The following OTUD7A variants were observed in gnomAD, a reference collection of about 807,000 sequenced individuals.
OTUD7A encodes OTU deubiquitinase 7A.
A neutral mutation model predicts 65.7 loss-of-function variants in OTUD7A; 12 were observed. The ratio of observed to expected loss-of-function variants is 0.18; its 90% CI spans 0.12 to 0.30. OTUD7A has a LOEUF of 0.30. Ranked by LOEUF, OTUD7A falls within the 10% of genes least tolerant of loss-of-function variation. The pLI, the probability that OTUD7A is intolerant of heterozygous loss-of-function variation, is 1.00. For missense variants in OTUD7A, 1,148 were observed against 1,304.8 expected (o/e 0.88, Z 1.85); for synonymous variants, 641 against 586.3 (o/e 1.09, Z -1.35).
At chr15:31,754,579 C>T (rs1894756307) in intron 1 of OTUD7A, among the ~76,000 whole-genome samples, 6 of 152,158 alleles carry the variant, frequency 3.9e-5, no homozygotes, top group Admixed American at 3.9e-4. Flanking sequence ...CTACATGTGG[C>T]CAGCCAATTA....
intron 1 of OTUD7A, among the ~76,000 whole-genome samples, chr15:31,682,337 T>G (rs1364657426): frequency 6.6e-6 from 1 of 152,200 alleles, no homozygotes; most frequent in Non-Finnish European, 1.5e-5. Flanking sequence ...ATAAATTCAG[T>G]GCAATCCCAG....
At chr15:31,815,923 T>C (rs1419481744) in intron 1 of OTUD7A, among the ~76,000 whole-genome samples, 1 of 152,240 alleles carries the variant, frequency 6.6e-6, no homozygotes, top group Admixed American at 6.5e-5. Context: ...GTCCCCACCA[T>C]GTTCCCAGCC....
chr15:31,832,809 T>C (rs564624441), intron 1 of OTUD7A, among the ~76,000 whole-genome samples: 9 of 152,350 alleles, frequency 5.9e-5, no homozygotes, highest in African/African-American at 2.2e-4. Context: ...TAATATTCCA[T>C]TGTATGAATA....
chr15:31,674,939 C>T (rs893805940), intron 1 of OTUD7A, among the ~76,000 whole-genome samples: 16 of 152,152 alleles, frequency 1.1e-4, no homozygotes, highest in African/African-American at 3.6e-4. Context: ...TTGCACCAGC[C>T]GTAGACAGTC....
Position 31,484,431 on chromosome 15 carries a change from G to T in OTUD7A, c.1665C>A (p.Ser555=). Residue 555 remains serine, a synonymous_variant, in exon 13 of 13, where the codon TCC becomes TCA. Coordinates refer to ENST00000307050, the MANE Select transcript of OTUD7A (RefSeq NM_001382637.1). This position sits in a 1 kb window ranked among gnomAD's most constrained non-coding sequence, Gnocchi z 4.5. ...LVHGKMGRAN[S]ANGKNGDSAE... is the part of the protein sequence containing the mutation. ...CCGAGTCCCCGTTCTTGCCATTGGC[G>T]GAGTTGGCGCGGCCCATCTTGCCGT... 6.2e-7 allele frequency: 1 copy of T among 1,603,104 alleles called. No homozygotes were observed. Among genetic ancestry groups the T allele is most frequent in the Non-Finnish European group, 8.5e-7 (1 of 1,179,890 alleles).
At chr15:31,649,145 T>A (rs1026861766) in intron 3 of OTUD7A, among the ~76,000 whole-genome samples, 31 of 152,244 alleles carry the variant, frequency 2.0e-4, no homozygotes, top group African/African-American at 6.3e-4. Flanking sequence ...CCTGGCTTCC[T>A]GCCCTGAAAT....
chr15:31,597,017 C>T (rs983853454), intron 3 of OTUD7A, among the ~76,000 whole-genome samples: 2 of 152,074 alleles, frequency 1.3e-5, no homozygotes, highest in South Asian at 2.1e-4. Flanking sequence ...CTCTGCTTCC[C>T]GGGCTCAAGT....
intron 3 of OTUD7A, among the ~76,000 whole-genome samples, 176 bp downstream of exon 3, chr15:31,654,920 A>G (rs548970059): frequency 4.6e-5 from 7 of 152,326 alleles, no homozygotes; most frequent in African/African-American, 1.7e-4. Context: ...CATTGAACAT[A>G]TTTTCTTAAA....
chr15:31,779,718 T>A (rs150134126), intron 1 of OTUD7A, among the ~76,000 whole-genome samples: 1 of 152,138 alleles, frequency 6.6e-6, no homozygotes, highest in African/African-American at 2.4e-5. Context: ...TGTTAGGATC[T>A]GGACACCAGA....
intron 1 of OTUD7A, among the ~76,000 whole-genome samples, chr15:31,792,578 G>A (rs979536541): frequency 6.6e-6 from 1 of 152,182 alleles, no homozygotes; most frequent in Non-Finnish European, 1.5e-5. Flanking sequence ...TATTCAGGTT[G>A]CACCTTGACT....
At chr15:31,831,563 A>G (rs749625471) in intron 1 of OTUD7A, among the ~76,000 whole-genome samples, 21 of 152,162 alleles carry the variant, frequency 1.4e-4, no homozygotes, top group Admixed American at 3.9e-4. Flanking sequence ...AGTGCCCAGA[A>G]CCCTCAGACC....
At chr15:31,745,688 G>A (rs1006522736) in intron 1 of OTUD7A, among the ~76,000 whole-genome samples, 1 of 152,106 alleles carries the variant, frequency 6.6e-6, no homozygotes, top group Non-Finnish European at 1.5e-5. Flanking sequence ...GAACATGTTA[G>A]ACTTTATCAA....
At chr15:31,631,204 C>T (rs568168812) in intron 3 of OTUD7A, among the ~76,000 whole-genome samples, 358 of 152,268 alleles carry the variant, frequency 2.4e-3, no homozygotes, top group Middle Eastern at 0.01. Context: ...TACATTTTGG[C>T]ATGTTTTTGC....
intron 1 of OTUD7A, among the ~76,000 whole-genome samples, chr15:31,832,449 T>C (rs1896957287): frequency 6.6e-6 from 1 of 152,276 alleles, no homozygotes; most frequent in African/African-American, 2.4e-5. Flanking sequence ...AAAAAAATAG[T>C]GGTATATTAT....
At chr15:31,526,303 C>T (rs143304850) in intron 8 of OTUD7A, 46 bp downstream of exon 8, 8 of 1,516,382 alleles carry the variant, frequency 5.3e-6, no homozygotes, top group Non-Finnish European at 7.1e-6. Context: ...CCCTGGGTGG[C>T]CTGGAGCTGG....
intron 8 of OTUD7A, among the ~76,000 whole-genome samples, chr15:31,511,089 CAT>C (rs1215972826): frequency 2.6e-5 from 1 of 38,616 alleles, no homozygotes; most frequent in Non-Finnish European, 4.3e-5. Context: ...CTATATGTAA[CAT>C]ACATATGTAT....
At chr15:31,852,017 C>T (rs1789868135) in intron 1 of OTUD7A, among the ~76,000 whole-genome samples, 1 of 152,132 alleles carries the variant, frequency 6.6e-6, no homozygotes, top group South Asian at 2.1e-4. Context: ...CACCACCATG[C>T]CCAGCTAATT....
chr15:31,534,103 A>C (rs77013268), intron 5 of OTUD7A, among the ~76,000 whole-genome samples: 3,638 of 152,312 alleles, frequency 0.024, 149 homozygotes, highest in African/African-American at 0.082. Context: ...CCCTGATACC[A>C]AAATCAAAAA....
At chr15:31,580,300 C>A (rs1193294916) in intron 3 of OTUD7A, among the ~76,000 whole-genome samples, 9 of 152,028 alleles carry the variant, frequency 5.9e-5, no homozygotes, top group Non-Finnish European at 1.0e-4. Context: ...GAGAGAGATG[C>A]CCTGCAGGAA....
Sources: gnomAD v4.1 joint callset for allele counts (sites outside exome capture counted in the v4.1 genomes callset) on GRCh38, gnomAD v4.1.1 for gene constraint, Gnocchi (gnomAD v3.1) non-coding constraint, MANE v1.5 for transcripts, NCBI Gene and HGNC (gene_info 2026-07-23, HGNC 2026-07-21) for gene names.